The following TENM3 variants were observed in gnomAD, a reference collection of about 807,000 sequenced individuals.
The protein encoded by TENM3 is teneurin-3.
Under a neutral mutation model 255.1 loss-of-function variants are expected in TENM3, and 63 were observed. That is an observed-to-expected ratio of 0.25 (90% CI 0.20 to 0.30). TENM3 has a LOEUF of 0.30. Among genes scored for constraint, TENM3 ranks in the 10% least tolerant of loss-of-function variants. The probability of loss-of-function intolerance (pLI) is 1.00; values close to 1 mark genes in which losing one functional copy is unlikely to be tolerated. For missense variants in TENM3, 2,929 were observed against 3,461.1 expected, an observed-to-expected ratio of 0.85 and a Z score of 3.86; for synonymous variants, 1,306 against 1,322.3, an observed-to-expected ratio of 0.99 and a Z score of 0.27.
At chr4:182,764,861 T>C (rs1763546570) in intron 22 of TENM3, among the ~76,000 whole-genome samples, 1 of 151,888 alleles carries the variant, frequency 6.6e-6, no homozygotes, top group African/African-American at 2.4e-5. Flanking sequence ...CTGGTGACAA[T>C]GTAAGGATAG....
Position 182,754,406 on chromosome 4 carries a change from G to A in TENM3, c.4039G>A (p.Asp1347Asn). Residue 1347 changes from aspartate to asparagine, a missense_variant, in exon 22 of 28, where the codon GAC (aspartate) becomes AAC (asparagine). Asp to Asn is a conservative substitution (Grantham distance 23). Transcript: ENST00000511685. The surrounding 1 kb of genome is among the most constrained non-coding windows in gnomAD (Gnocchi z 5.1). ...TAAGGTACGTCTGGAATGGCCCACT[G>A]ACCTAGCCATTAACCCTATGGATAA... ...ISQVRLEWPT[D>N]LAINPMDNSI... 6.2e-7 allele frequency: 1 copy of A among 1,605,966 alleles called. No individual in the cohort carries two copies. Among genetic ancestry groups the A allele is most frequent in the African/African-American group, 1.3e-5 (1 of 74,972 alleles).
intron 1 of TENM3, among the ~76,000 whole-genome samples, chr4:182,154,877 G>T (rs1750596393): frequency 6.6e-6 from 1 of 152,130 alleles, no homozygotes; most frequent in Admixed American, 6.5e-5. Flanking sequence ...TTTTAAAAAA[G>T]AAAATGAAAG....
intron 3 of TENM3, among the ~76,000 whole-genome samples, chr4:182,566,411 A>C (rs1313747313): frequency 2.6e-5 from 4 of 152,344 alleles, no homozygotes; most frequent in African/African-American, 7.2e-5. Flanking sequence ...CATGGAATAA[A>C]GTCTTAACCT....
chr4:182,121,181 G>A, the TENM3 span, among the ~76,000 whole-genome samples: 3,058 of 151,666 alleles, frequency 0.02, 47 homozygotes, highest in South Asian at 0.039. Context: ...TATTTTTAGT[G>A]GAGACGGGTT....
Position 182,799,769 on chromosome 4 carries a change from G to A in TENM3, c.7518G>A (p.Gln2506=). The change falls in exon 28 of 28, where the codon CAG becomes CAA. Residue 2506 remains glutamine (Q), a synonymous_variant. Transcript: ENST00000511685. This position sits in a 1 kb window ranked among gnomAD's most constrained non-coding sequence, Gnocchi z 4.2. ...IGKGVMLAVS[Q]GRVQTNVLNI... is the part of the protein sequence containing the mutation. ...AGGGCGTCATGCTGGCCGTCAGCCA[G>A]GGCCGCGTGCAGACCAACGTGCTCA... 6.3e-7 allele frequency: 1 copy of A among 1,583,722 alleles called. No homozygotes were observed. Among genetic ancestry groups the A allele is most frequent in the Admixed American group, 1.8e-5 (1 of 55,594 alleles).
the TENM3 span, among the ~76,000 whole-genome samples, chr4:181,618,699 A>G: frequency 2.0e-5 from 3 of 152,218 alleles, no homozygotes; most frequent in Non-Finnish European, 4.4e-5. Flanking sequence ...AGCGTGTAAT[A>G]AAGTGGTCTT....
chr4:181,879,508 C>T, the TENM3 span, among the ~76,000 whole-genome samples: 1 of 152,132 alleles, frequency 6.6e-6, no homozygotes, highest in Non-Finnish European at 1.5e-5. Context: ...AAAATTGCTA[C>T]CAACTTAGAG....
intron 3 of TENM3, among the ~76,000 whole-genome samples, chr4:182,478,026 C>A (rs1387959923): frequency 6.6e-6 from 1 of 152,094 alleles, no homozygotes; most frequent in Non-Finnish European, 1.5e-5. Context: ...ATAGTGAGAA[C>A]TGTTTCAACT....
chr4:182,717,639 AAAC>A lies in TENM3; in HGVS notation c.2368+3409_2368+3411del, dbSNP rs543553919. 4.4e-4 allele frequency among the ~76,000 whole-genome samples: 67 copies of A among 152,342 alleles called. 1 individual carries two copies. Among genetic ancestry groups the A allele is most frequent in the Middle Eastern group, 3.4e-3 (1 of 294 alleles). ...TCTTAAATCACACAGTGGAAATCAG[AAAC>A]AATGCTCACTGGACCAGATAATTGT... On this transcript the variant is annotated intron_variant, in intron 13 of 27. Coordinates refer to ENST00000511685, the MANE Select transcript of TENM3 (RefSeq NM_001080477.4).
intron 1 of TENM3, among the ~76,000 whole-genome samples, chr4:182,310,542 C>T: frequency 6.6e-6 from 1 of 152,144 alleles, no homozygotes; most frequent in East Asian, 1.9e-4. Context: ...ACCAGATGTC[C>T]CAGGACTGAC....
intron 19 of TENM3, among the ~76,000 whole-genome samples, chr4:182,749,596 C>A (rs1178530093): frequency 6.6e-6 from 1 of 152,152 alleles, no homozygotes; most frequent in Admixed American, 6.5e-5. Flanking sequence ...TCCCAGCATC[C>A]TGTGAAATAT....
At chr4:182,607,172 C>T (rs1353682620) in intron 4 of TENM3, among the ~76,000 whole-genome samples, 1 of 152,184 alleles carries the variant, frequency 6.6e-6, no homozygotes, top group Non-Finnish European at 1.5e-5. Context: ...ATGGTAATAG[C>T]AGCCATTGTG....
At chr4:181,796,812 C>T in the TENM3 span, among the ~76,000 whole-genome samples, 1 of 152,214 alleles carries the variant, frequency 6.6e-6, no homozygotes, top group Non-Finnish European at 1.5e-5. Context: ...TGTATCCTTC[C>T]TTCCAAAGGG....
At chr4:181,538,549 G>A in the TENM3 span, among the ~76,000 whole-genome samples, 1 of 150,790 alleles carries the variant, frequency 6.6e-6, no homozygotes. Context: ...GGAACATCAG[G>A]GAACTATGGG....
At chr4:181,517,785 A>C in the TENM3 span, among the ~76,000 whole-genome samples, 1 of 152,204 alleles carries the variant, frequency 6.6e-6, no homozygotes, top group Non-Finnish European at 1.5e-5. Context: ...TGATAATAGA[A>C]GAATTCTCTA....
chr4:181,593,600 CA>C, the TENM3 span, among the ~76,000 whole-genome samples: 4 of 152,172 alleles, frequency 2.6e-5, no homozygotes, highest in Admixed American at 6.5e-5. Flanking sequence ...ATTAACATCA[CA>C]AAAATTTTTT....
the TENM3 span, among the ~76,000 whole-genome samples, chr4:181,953,479 C>G: frequency 6.6e-6 from 1 of 152,086 alleles, no homozygotes; most frequent in Non-Finnish European, 1.5e-5. Context: ...CCTGCTACAT[C>G]GATGGATACA....
At chr4:182,138,741 G>A in the TENM3 span, among the ~76,000 whole-genome samples, 3 of 152,266 alleles carry the variant, frequency 2.0e-5, no homozygotes, top group South Asian at 4.1e-4. Flanking sequence ...TCCAAATTTC[G>A]ATAAACATCA....
chr4:182,473,663 A>G (rs1403379037), intron 3 of TENM3, among the ~76,000 whole-genome samples: 1 of 151,660 alleles, frequency 6.6e-6, no homozygotes, highest in Admixed American at 6.6e-5. Context: ...ACAGAGCGAG[A>G]CTTCATCTAA....
Sources: allele counts gnomAD v4.1 joint callset (sites outside exome capture counted in the v4.1 genomes callset), GRCh38; gene constraint gnomAD v4.1.1; non-coding constraint Gnocchi (gnomAD v3.1); transcripts MANE v1.5; gene names NCBI Gene and HGNC (gene_info 2026-07-23, HGNC 2026-07-21).